The following ATXN1 variants were observed in gnomAD, a reference collection of about 807,000 sequenced individuals.
ATXN1 encodes the protein ataxin-1.
A neutral mutation model predicts 56.4 loss-of-function variants in ATXN1; 8 were observed. The ratio of observed to expected loss-of-function variants is 0.14; its 90% confidence interval spans 0.08 to 0.26. The LOEUF (loss-of-function observed/expected upper bound fraction) is 0.26. ATXN1 is among the 10% of genes least tolerant of loss of function. The pLI, the probability that ATXN1 is intolerant of heterozygous loss-of-function variation, is 1.00. For missense variants in ATXN1, 987 were observed against 1,106.5 expected, an observed-to-expected ratio of 0.89 and a Z score of 1.53; for synonymous variants, 514 against 494.6, an observed-to-expected ratio of 1.04 and a Z score of -0.52.
At chr6:16,706,721 C>A (rs1450669610) in intron 2 of ATXN1, among the ~76,000 whole-genome samples, 1 of 39,712 alleles carries the variant, frequency 2.5e-5, no homozygotes. Flanking sequence ...AAGACTCCAT[C>A]TCAAAAAAAA....
At chr6:16,724,859 T>G (rs2113475047) in intron 2 of ATXN1, among the ~76,000 whole-genome samples, 1 of 152,314 alleles carries the variant, frequency 6.6e-6, no homozygotes, top group Non-Finnish European at 1.5e-5. Flanking sequence ...ATTTTGGTAC[T>G]GGGTTGCAGC....
At chr6:16,733,616 G>A (rs1470780882) in intron 2 of ATXN1, among the ~76,000 whole-genome samples, 5 of 150,404 alleles carry the variant, frequency 3.3e-5, no homozygotes, top group East Asian at 2.0e-4. Context: ...CTATAATCCC[G>A]GTACTTTGGG....
At chr6:16,395,908 G>A (rs190856205) in intron 6 of ATXN1, among the ~76,000 whole-genome samples, 6 of 151,554 alleles carry the variant, frequency 4.0e-5, no homozygotes, top group Admixed American at 3.9e-4. Context: ...TCAGCTCTTC[G>A]GGTGGCTGAG....
intron 3 of ATXN1, among the ~76,000 whole-genome samples, chr6:16,598,041 T>C (rs766068522): frequency 6.6e-6 from 1 of 152,204 alleles, no homozygotes. Flanking sequence ...AGGTGATGAA[T>C]ATATTAACTA....
chr6:16,605,685 T>G (rs1359521674), intron 3 of ATXN1, among the ~76,000 whole-genome samples: 1 of 152,162 alleles, frequency 6.6e-6, no homozygotes, highest in Non-Finnish European at 1.5e-5. Context: ...GTAAGAAGAT[T>G]AGCAGGAGAA....
chr6:16,511,215 A>G (rs1338098069), intron 5 of ATXN1, among the ~76,000 whole-genome samples: 4 of 152,156 alleles, frequency 2.6e-5, no homozygotes, highest in Non-Finnish European at 4.4e-5. Context: ...AGGGAGAGGA[A>G]GGGGTGGAAG....
At chr6:16,391,018 T>C (rs1041195706) in intron 6 of ATXN1, among the ~76,000 whole-genome samples, 3 of 151,762 alleles carry the variant, frequency 2.0e-5, no homozygotes, top group Admixed American at 2.0e-4. Flanking sequence ...AAAAATTAGC[T>C]GGGCGTAGGA....
intron 6 of ATXN1, among the ~76,000 whole-genome samples, chr6:16,448,294 C>T (rs1458881793): frequency 6.6e-6 from 1 of 152,184 alleles, no homozygotes; most frequent in Non-Finnish European, 1.5e-5. Flanking sequence ...CAGGTCTCTG[C>T]TGTGATGTGT....
intron 6 of ATXN1, among the ~76,000 whole-genome samples, chr6:16,420,007 TG>T (rs1486903116): frequency 6.6e-6 from 1 of 152,178 alleles, no homozygotes; most frequent in Non-Finnish European, 1.5e-5. Context: ...AGACTGGGGA[TG>T]GGGAGGACAG....
At chr6:16,313,124 C>A (rs145541557) in intron 7 of ATXN1, among the ~76,000 whole-genome samples, 1,729 of 152,258 alleles carry the variant, frequency 0.011, 16 homozygotes, top group Middle Eastern at 0.024. Context: ...AGGTGATCCG[C>A]CTGCCTTGGC....
At chr6:16,472,897 G>C (rs779713171) in intron 6 of ATXN1, among the ~76,000 whole-genome samples, 1 of 152,164 alleles carries the variant, frequency 6.6e-6, no homozygotes, top group Non-Finnish European at 1.5e-5. Flanking sequence ...CAGTCTGTTC[G>C]AACTCTTTGA....
chr6:16,459,747 G>T (rs556025562), intron 6 of ATXN1, among the ~76,000 whole-genome samples: 1 of 152,140 alleles, frequency 6.6e-6, no homozygotes, highest in East Asian at 1.9e-4. Context: ...TCATCTGTTT[G>T]GTCAGGCACT....
chr6:16,311,593 A>G (rs965784353), intron 7 of ATXN1, among the ~76,000 whole-genome samples: 1 of 152,260 alleles, frequency 6.6e-6, no homozygotes, highest in Admixed American at 6.5e-5. Context: ...CTACATTTAC[A>G]TCACACACAG....
At position 16,598,543 on chromosome 6, in the gene ATXN1, T is replaced by C. The variant is rs562060959; in HGVS notation, c.-488-12636A>G. Among the ~76,000 whole-genome samples, 4 of 152,308 alleles carry C rather than the reference T, an allele frequency of 2.6e-5. No individual in the cohort carries two copies. In the East Asian group the frequency reaches 7.7e-4, roughly 29 times the overall value. Reference sequence around the variant, plus strand: ...CCGCTGTAAAAGGAGTCACTAACGCTTGTCTCAGAAGGTTGTTACGTATAT... The same window carrying C: ...CCGCTGTAAAAGGAGTCACTAACGCCTGTCTCAGAAGGTTGTTACGTATAT... On this transcript the variant is annotated intron_variant, in intron 3 of 7. Coordinates refer to ENST00000436367, the MANE Select transcript of ATXN1 (RefSeq NM_001128164.2).
Position 16,404,140 on chromosome 6 carries a change from G to T in ATXN1, c.-160-75670C>A, listed in dbSNP as rs533339209. Among the ~76,000 whole-genome samples, 320 of 152,260 alleles carry T rather than the reference G, an allele frequency of 2.1e-3. 1 individual carries two copies. The highest frequency in any genetic ancestry group is 0.016 in the South Asian group (78 of 4,820). On this transcript the variant is annotated intron_variant, in intron 6 of 7. Coordinates refer to ENST00000436367, the MANE Select transcript of ATXN1 (RefSeq NM_001128164.2). Reference sequence around the variant, plus strand: ...TATCAACGTGTGTGCATGCGGGGCAGGAGGTGGGGGGAGCAAATAAAACTA... The same window carrying T: ...TATCAACGTGTGTGCATGCGGGGCATGAGGTGGGGGGAGCAAATAAAACTA...
chr6:16,354,139 T>C (rs1761635665), intron 6 of ATXN1, among the ~76,000 whole-genome samples: 1 of 152,208 alleles, frequency 6.6e-6, no homozygotes, highest in Non-Finnish European at 1.5e-5. Flanking sequence ...TGTGCAGCCA[T>C]GGTTGAGAAT....
At chr6:16,531,161 A>G (rs1471183777) in intron 4 of ATXN1, among the ~76,000 whole-genome samples, 1 of 152,178 alleles carries the variant, frequency 6.6e-6, no homozygotes, top group Non-Finnish European at 1.5e-5. Flanking sequence ...GCAGGAAACC[A>G]TCTTTAGGGT....
intron 5 of ATXN1, among the ~76,000 whole-genome samples, chr6:16,492,266 G>T (rs1167838346): frequency 6.6e-6 from 1 of 150,406 alleles, no homozygotes. Flanking sequence ...ACACTCTGGG[G>T]ACTGTAGTGG....
chr6:16,364,640 G>T (rs912398056), intron 6 of ATXN1, among the ~76,000 whole-genome samples: 1 of 152,146 alleles, frequency 6.6e-6, no homozygotes, highest in African/African-American at 2.4e-5. Context: ...ATAAGGTATG[G>T]TTCCCCTACT....
Sources: allele counts gnomAD v4.1 joint callset (sites outside exome capture counted in the v4.1 genomes callset), GRCh38; gene constraint gnomAD v4.1.1; transcripts MANE v1.5; gene names NCBI Gene and HGNC (gene_info 2026-07-23, HGNC 2026-07-21).